The following CFAP299 variants were observed in gnomAD, a reference collection of about 807,000 sequenced individuals.
The protein encoded by CFAP299 is cilia and flagella associated protein 299.
In CFAP299, 21 loss-of-function variants were observed where a neutral mutation model predicts 27.0. The ratio of observed to expected loss-of-function variants is 0.78; its 90% CI spans 0.55 to 1.12. The LOEUF is 1.12. Among genes scored for constraint, CFAP299 ranks in the 50% most tolerant of loss-of-function variants. The probability of loss-of-function intolerance (pLI) is 0.00; values close to 1 mark genes in which losing one functional copy is unlikely to be tolerated. For missense variants in CFAP299, 310 were observed against 276.6 expected (o/e 1.12, Z -0.86); for synonymous variants, 104 against 98.1 (o/e 1.06, Z -0.36).
intron 4 of CFAP299, among the ~76,000 whole-genome samples, chr4:80,906,668 A>G (rs759161124): frequency 6.6e-6 from 1 of 152,156 alleles, no homozygotes; most frequent in Non-Finnish European, 1.5e-5. Flanking sequence ...TGTGGAAGCC[A>G]CCAAGGGTTG....
intron 2 of CFAP299, among the ~76,000 whole-genome samples, chr4:80,408,390 C>A (rs1726538499): frequency 6.6e-6 from 1 of 152,074 alleles, no homozygotes; most frequent in Non-Finnish European, 1.5e-5. Flanking sequence ...ATTTCTCAGT[C>A]ATTTGGTCAT....
chr4:80,938,266 G>A (rs753064138), intron 4 of CFAP299, among the ~76,000 whole-genome samples: 1 of 152,184 alleles, frequency 6.6e-6, no homozygotes, highest in Non-Finnish European at 1.5e-5. Flanking sequence ...GGGCAGCACA[G>A]TTAACATGTT....
chr4:80,865,194 T>A (rs182634616), intron 3 of CFAP299, among the ~76,000 whole-genome samples: 3 of 152,294 alleles, frequency 2.0e-5, no homozygotes, highest in Admixed American at 2.0e-4. Context: ...AGATAATGAA[T>A]GTGAAGCTTT....
chr4:80,472,380 T>C (rs1730045139), intron 2 of CFAP299, among the ~76,000 whole-genome samples: 1 of 152,226 alleles, frequency 6.6e-6, no homozygotes, highest in African/African-American at 2.4e-5. Flanking sequence ...GCTACCTTTT[T>C]AATAAAAACT....
chr4:80,564,422 T>C lies in CFAP299; in HGVS notation c.243-18671T>C, dbSNP rs147514945. On this transcript the variant is annotated intron_variant, in intron 2 of 5. Coordinates refer to ENST00000358105, the MANE Select transcript of CFAP299 (RefSeq NM_152770.3). ...TTCAGCCTATAAACAGAATGAAGGATAAAAACCATATAATCATTTCAATTT... is the reference window on the plus strand; with the variant it reads ...TTCAGCCTATAAACAGAATGAAGGACAAAAACCATATAATCATTTCAATTT... Among the ~76,000 whole-genome samples, 683 of 152,056 alleles carry C rather than the reference T, an allele frequency of 4.5e-3. 4 individuals carry two copies. The highest frequency in any genetic ancestry group is 0.015 in the African/African-American group (640 of 41,540).
chr4:80,676,614 T>C (rs552732016), intron 3 of CFAP299, among the ~76,000 whole-genome samples: 1 of 152,222 alleles, frequency 6.6e-6, no homozygotes, highest in East Asian at 1.9e-4. Context: ...TTTTTTATTA[T>C]AGCTTCAATT....
At chr4:80,915,276 G>A (rs944312866) in intron 4 of CFAP299, among the ~76,000 whole-genome samples, 1 of 151,746 alleles carries the variant, frequency 6.6e-6, no homozygotes, top group Non-Finnish European at 1.5e-5. Context: ...CAGTTTTACA[G>A]GGTTTTTTTT....
chr4:80,764,480 G>T (rs7686532), intron 3 of CFAP299, among the ~76,000 whole-genome samples: 58,462 of 152,010 alleles, frequency 0.38, 15,120 homozygotes, highest in African/African-American at 0.74. Context: ...ATAGGAACGC[G>T]TTTACATAGT....
At chr4:80,789,601 A>T (rs1727436444) in intron 3 of CFAP299, among the ~76,000 whole-genome samples, 1 of 152,056 alleles carries the variant, frequency 6.6e-6, no homozygotes. Flanking sequence ...AAACTTTATT[A>T]GCATGAACTA....
At chr4:80,778,237 C>A (rs1321659862) in intron 3 of CFAP299, among the ~76,000 whole-genome samples, 1 of 152,048 alleles carries the variant, frequency 6.6e-6, no homozygotes, top group Non-Finnish European at 1.5e-5. Flanking sequence ...AGCTGAAGTA[C>A]AACAGATATT....
In CFAP299 at chr4:80,504,462, CATATATATATATATATAT is replaced by C. The variant is rs56729877; in HGVS notation, c.243-78604_243-78587del. On this transcript the variant is annotated intron_variant, in intron 2 of 5. Coordinates refer to ENST00000358105, the MANE Select transcript of CFAP299 (RefSeq NM_152770.3). Reference sequence around the variant, plus strand: ...TACTGAAATTTTGCTTAAAATCTCACATATATATATATATATATATATATATATATATATATATATATA... The same window carrying C: ...TACTGAAATTTTGCTTAAAATCTCACATATATATATATATATATATATATA... Among the ~76,000 whole-genome samples, 196 of 37,786 alleles carry C rather than the reference CATATATATATATATATAT, an allele frequency of 5.2e-3. 5 individuals are homozygous for C. The highest frequency in any genetic ancestry group is 8.4e-3 in the African/African-American group (97 of 11,492). 24.8% of individuals were successfully genotyped at this position (37,786 alleles called of 152,430 possible).
chr4:80,892,701 G>C (rs1734369640), intron 4 of CFAP299, among the ~76,000 whole-genome samples: 1 of 152,064 alleles, frequency 6.6e-6, no homozygotes. Context: ...TAAAAACTCT[G>C]AACAGATTAG....
At chr4:80,510,395 A>G (rs185021998) in intron 2 of CFAP299, among the ~76,000 whole-genome samples, 1 of 152,208 alleles carries the variant, frequency 6.6e-6, no homozygotes, top group East Asian at 1.9e-4. Context: ...TTGTGGTGTT[A>G]CAGAAGTAAA....
intron 2 of CFAP299, chr4:80,388,182 G>A (rs758577097): frequency 4.4e-6 from 3 of 688,124 alleles, no homozygotes; most frequent in South Asian, 3.2e-5. Context: ...GGAGGAGGGG[G>A]TGAAGGCTAG....
At chr4:80,687,748 G>C (rs13120647) in intron 3 of CFAP299, among the ~76,000 whole-genome samples, 108,236 of 152,104 alleles carry the variant, frequency 0.71, 41,682 homozygotes, top group Non-Finnish European at 0.85. Context: ...GCAGAAGACA[G>C]GTGATTTCTG....
intron 3 of CFAP299, among the ~76,000 whole-genome samples, chr4:80,843,642 G>C (rs185483103): frequency 1.3e-5 from 2 of 152,206 alleles, no homozygotes; most frequent in Admixed American, 1.3e-4. Context: ...CTAGATCCCT[G>C]AGGAATCGCC....
chr4:80,794,117 A>T (rs1727720386), intron 3 of CFAP299, among the ~76,000 whole-genome samples: 1 of 152,138 alleles, frequency 6.6e-6, no homozygotes, highest in Non-Finnish European at 1.5e-5. Flanking sequence ...AAGTAAACTG[A>T]TTTCATCTTG....
intron 4 of CFAP299, among the ~76,000 whole-genome samples, chr4:80,920,767 G>T (rs1736003756): frequency 6.6e-6 from 1 of 152,084 alleles, no homozygotes. Flanking sequence ...TGGGGTGCAT[G>T]TGGAGTATTT....
chr4:80,469,593 A>G (rs907036690), intron 2 of CFAP299, among the ~76,000 whole-genome samples: 1 of 152,212 alleles, frequency 6.6e-6, no homozygotes, highest in African/African-American at 2.4e-5. Flanking sequence ...ATACTAGCAA[A>G]GGTCCTCATT....
Sources: allele counts gnomAD v4.1 joint callset (sites outside exome capture counted in the v4.1 genomes callset), GRCh38; gene constraint gnomAD v4.1.1; transcripts MANE v1.5; gene names NCBI Gene and HGNC (gene_info 2026-07-23, HGNC 2026-07-21).